Variants in HORMAD2 observed in about 807,000 individuals in gnomAD.
The protein encoded by HORMAD2 is HORMA domain containing 2.
In HORMAD2, 45 loss-of-function variants were observed where a neutral mutation model predicts 38.8. The ratio of observed to expected loss-of-function variants is 1.16; its 90% confidence interval spans 0.91 to 1.49. HORMAD2 has a LOEUF of 1.49. HORMAD2 is among the 40% of genes most tolerant of loss of function. The pLI, the probability that HORMAD2 is intolerant of heterozygous loss-of-function variation, is 0.00. For synonymous variants in HORMAD2, 126 were observed against 122.8 expected (o/e 1.03, Z -0.17); for missense variants, 338 against 367.0 (o/e 0.92, Z 0.65).
At position 30,098,878 on chromosome 22, in the gene HORMAD2, T is replaced by C; in HGVS notation, c.78T>C (p.Thr26=). 1 of 1,612,580 alleles carries C rather than the reference T, an allele frequency of 6.2e-7. No individual in the cohort carries two copies. ...SKETVFPSQI[T]NEHESLKMVK... is the part of the protein sequence containing the mutation. ...AAACAGTTTTCCCATCCCAAATCAC[T>C]AATGAGCATGAGTCATTGAAAATGG... The change falls in exon 3 of 11, where the codon ACT becomes ACC. Residue 26 remains threonine, a synonymous_variant. Coordinates refer to ENST00000336726, the MANE Select transcript of HORMAD2 (RefSeq NM_152510.4).
At chr22:30,136,979 G>T in intron 10 of HORMAD2, 1 of 520,648 alleles carries the variant, frequency 1.9e-6, no homozygotes, top group Non-Finnish European at 3.5e-6. Flanking sequence ...TCTGGATTTG[G>T]CAGACCTGTT....
rs747302293 is a variant in HORMAD2, at chr22:30,121,662, A to G, written c.441A>G (p.Gly147=). Residue 147 remains glycine, a synonymous_variant, in exon 9 of 11, where the codon GGA becomes GGG. Coordinates refer to ENST00000336726, the MANE Select transcript of HORMAD2 (RefSeq NM_152510.4). ...SHSSSTSFES[G]TNNEDIKKAS... The stretch of plus-strand genomic sequence containing the variant: ...GCAGCAGTACAAGCTTTGAAAGTGG[A>G]ACAAACAATGAAGATATTAAGAAAG... 2 of 1,602,046 alleles carry G rather than the reference A, an allele frequency of 1.2e-6. No homozygotes were observed. Among genetic ancestry groups the G allele is most frequent in the East Asian group, 4.5e-5 (2 of 44,644 alleles).
Position 30,129,255 on chromosome 22 carries a change from AAGAG to A in HORMAD2, c.819+7051_819+7054del, listed in dbSNP as rs1569102362. Among the ~76,000 whole-genome samples, 9 of 48,454 alleles carry A rather than the reference AAGAG, an allele frequency of 1.9e-4. No individual in the cohort carries two copies. In the South Asian group the frequency reaches 3.4e-3, roughly 19 times the overall value. The allele number at this position is 48,454 out of a possible 152,430, so 31.8% of individuals were successfully genotyped here. A position where few individuals can be genotyped will look rare whatever the true frequency, so the allele number is the denominator to read the frequency against. ...AAAAAAAAAAAAAAAAAAAAAAAAAAAGAGAGAGAGAGAATAAATAATGCCCTGC... is the reference window on the plus strand; with the variant it reads ...AAAAAAAAAAAAAAAAAAAAAAAAAAAGAGAGAGAATAAATAATGCCCTGC... On this transcript the variant is annotated intron_variant, in intron 10 of 10. Coordinates refer to ENST00000336726, the MANE Select transcript of HORMAD2 (RefSeq NM_152510.4).
chr22:30,123,819 C>T (rs192070824), intron 10 of HORMAD2, among the ~76,000 whole-genome samples: 103 of 150,780 alleles, frequency 6.8e-4, no homozygotes, highest in African/African-American at 2.3e-3. Flanking sequence ...CATAGGTGTG[C>T]GCCACCACAC....
intron 5 of HORMAD2, among the ~76,000 whole-genome samples, chr22:30,106,005 A>G (rs1032596062): frequency 6.6e-6 from 1 of 151,970 alleles, no homozygotes; most frequent in African/African-American, 2.4e-5. Context: ...TTACATGTTT[A>G]TTTATTAATT....
chr22:30,163,372 A>T (rs746887660), intron 10 of HORMAD2, among the ~76,000 whole-genome samples: 2 of 152,138 alleles, frequency 1.3e-5, no homozygotes, highest in Non-Finnish European at 2.9e-5. Flanking sequence ...CTCAGAAAAG[A>T]TGCTTATTTT....
chr22:30,179,252 A>G (rs534344106), downstream of HORMAD2, among the ~76,000 whole-genome samples: 2 of 152,342 alleles, frequency 1.3e-5, no homozygotes, highest in Admixed American at 6.5e-5. Context: ...GAAACTGAAC[A>G]CACTATGCAT....
At chr22:30,158,712 C>G (rs1394242045) in intron 10 of HORMAD2, among the ~76,000 whole-genome samples, 1 of 148,392 alleles carries the variant, frequency 6.7e-6, no homozygotes, top group East Asian at 2.0e-4. Context: ...TTTCCAGGGT[C>G]TTGCTCTGTC....
At chr22:30,097,093 G>C (rs1182878297) in intron 2 of HORMAD2, among the ~76,000 whole-genome samples, 1 of 152,112 alleles carries the variant, frequency 6.6e-6, no homozygotes, top group East Asian at 1.9e-4. Flanking sequence ...TTTGTGCTTG[G>C]CTTAAAGAAA....
rs1457434644 is a variant in HORMAD2, at chr22:30,093,911, A to G, written c.-37-5A>G. On this transcript the variant is annotated splice_region_variant and splice_polypyrimidine_tract_variant and intron_variant, in intron 1 of 10. Transcript: ENST00000336726. ...GTCTCTAATTAATTAATTATTTTTT[A>G]ATAGGTTGGACTTGTTGAAATAATC... The G allele has an allele frequency of 3.6e-6, 5 of 1,396,658 alleles. No homozygotes were observed. The African/African-American group carries it at 7.2e-5, about 20-fold the overall frequency. The allele number at this position is 1,396,658 out of a possible 1,614,324, so 86.5% of individuals were successfully genotyped here.
intron 10 of HORMAD2, among the ~76,000 whole-genome samples, chr22:30,133,057 A>G (rs1292165851): frequency 2.0e-5 from 3 of 152,334 alleles, no homozygotes; most frequent in South Asian, 2.1e-4. Flanking sequence ...TTATCATTAC[A>G]CCAAAATCAA....
At chr22:30,204,219 GC>G in the HORMAD2 span, among the ~76,000 whole-genome samples, 35 of 152,150 alleles carry the variant, frequency 2.3e-4, no homozygotes, top group Admixed American at 5.9e-4. Flanking sequence ...AAGGCCCATA[GC>G]CCCAGGTCAC....
At chr22:30,187,244 C>T in the HORMAD2 span, among the ~76,000 whole-genome samples, 1 of 152,286 alleles carries the variant, frequency 6.6e-6, no homozygotes, top group Admixed American at 6.5e-5. Flanking sequence ...CCCATAACAA[C>T]CCTTTGAGAT....
In HORMAD2 at chr22:30,173,644, G is replaced by A. The variant is rs138503408; in HGVS notation, c.820-2419G>A. 3.3e-5 allele frequency among the ~76,000 whole-genome samples: 5 copies of A among 152,284 alleles called. No individual in the cohort carries two copies. The East Asian group carries it at 5.8e-4, about 18-fold the overall frequency. The stretch of plus-strand genomic sequence containing the variant: ...AATACCCATGTGGAGACTTTTAGTC[G>A]GCAGTTGGATACACACATGGATCTG... On this transcript the variant is annotated intron_variant, in intron 10 of 10. Transcript: ENST00000336726.
chr22:30,206,765 G>A, the HORMAD2 span, among the ~76,000 whole-genome samples: 2,980 of 152,194 alleles, frequency 0.02, 103 homozygotes, highest in African/African-American at 0.057. Flanking sequence ...CACTCTGCCC[G>A]GCCAATCTCA....
At chr22:30,164,365 G>T (rs1468808780) in intron 10 of HORMAD2, among the ~76,000 whole-genome samples, 1 of 152,110 alleles carries the variant, frequency 6.6e-6, no homozygotes, top group Non-Finnish European at 1.5e-5. Context: ...ATTTTTTGAA[G>T]AACTGCCCTA....
intron 10 of HORMAD2, among the ~76,000 whole-genome samples, chr22:30,155,058 G>C (rs1388512791): frequency 6.7e-6 from 1 of 149,026 alleles, no homozygotes; most frequent in Non-Finnish European, 1.5e-5. Flanking sequence ...GGGTGACAAA[G>C]TGAGACCTTG....
chr22:30,205,282 T>C, the HORMAD2 span, among the ~76,000 whole-genome samples: 98 of 152,058 alleles, frequency 6.4e-4, 2 homozygotes, highest in Middle Eastern at 3.4e-3. Context: ...GGGTGAGAAT[T>C]TGAACCCAGA....
intron 10 of HORMAD2, among the ~76,000 whole-genome samples, chr22:30,166,004 T>G (rs2123726032): frequency 6.6e-6 from 1 of 151,668 alleles, no homozygotes; most frequent in South Asian, 2.1e-4. Context: ...CTTTTTTTAT[T>G]CTCTTTATTA....
Sources: allele counts gnomAD v4.1 joint callset (sites outside exome capture counted in the v4.1 genomes callset), GRCh38; gene constraint gnomAD v4.1.1; transcripts MANE v1.5; gene names NCBI Gene and HGNC (gene_info 2026-07-23, HGNC 2026-07-21).